The following OPHN1 variants were observed in gnomAD, a reference collection of about 807,000 sequenced individuals.
The protein encoded by OPHN1 is oligophrenin 1.
In OPHN1, 11 loss-of-function variants were observed where a neutral mutation model predicts 60.7. That is an observed-to-expected ratio of 0.18 (90% confidence interval 0.11 to 0.30). The LOEUF is 0.30. Among genes scored for constraint, OPHN1 ranks in the 10% least tolerant of loss-of-function variants. OPHN1 has a pLI of 1.00. For missense variants in OPHN1, 449 were observed against 611.0 expected, an observed-to-expected ratio of 0.73 and a Z score of 2.80; for synonymous variants, 226 against 222.6, an observed-to-expected ratio of 1.02 and a Z score of -0.14.
At chrX:68,186,692 A>G (rs2077464072) in intron 15 of OPHN1, among the ~76,000 whole-genome samples, 1 of 111,639 alleles carries the variant, frequency 9.0e-6, no homozygotes, top group Non-Finnish European at 1.9e-5. Context: ...TTTATTTGTC[A>G]CAGCTCTAGA....
chrX:68,237,902 G>GTGT (rs1466864332), intron 5 of OPHN1, among the ~76,000 whole-genome samples: 3 of 112,032 alleles, frequency 2.7e-5, no homozygotes, highest in Non-Finnish European at 5.6e-5. Context: ...TTGAATCAAA[G>GTGT]TGAAGAACGT....
intron 6 of OPHN1, among the ~76,000 whole-genome samples, chrX:68,228,998 A>T (rs780043417): frequency 9.0e-6 from 1 of 111,308 alleles, no homozygotes; most frequent in Non-Finnish European, 1.9e-5. Flanking sequence ...GACATGATTG[A>T]ATATTTAGAA....
chrX:68,360,326 C>T (rs886453129), intron 2 of OPHN1, among the ~76,000 whole-genome samples: 10 of 110,062 alleles, frequency 9.1e-5, no homozygotes, highest in Middle Eastern at 4.6e-3. Context: ...TACAGTGACG[C>T]GGCACCAAAC....
intron 2 of OPHN1, chrX:68,361,241 G>T (rs759048097): frequency 9.0e-6 from 1 of 110,993 alleles, no homozygotes; most frequent in Non-Finnish European, 1.9e-5. Flanking sequence ...CAGCATTTTG[G>T]GAGGCCAAGG....
chrX:68,091,245 TC>T (rs1328274361), intron 19 of OPHN1, among the ~76,000 whole-genome samples: 1 of 111,506 alleles, frequency 9.0e-6, no homozygotes, highest in Non-Finnish European at 1.9e-5. Context: ...AAATACGCTG[TC>T]CCACACTGAT....
At chrX:68,318,340 A>G (rs1318758339) in intron 2 of OPHN1, among the ~76,000 whole-genome samples, 1 of 112,063 alleles carries the variant, frequency 8.9e-6, no homozygotes, top group Non-Finnish European at 1.9e-5. Flanking sequence ...ATTCTCCCCA[A>G]ATTGATATAC....
At chrX:68,241,890 C>T (rs2077782525) in intron 5 of OPHN1, among the ~76,000 whole-genome samples, 1 of 110,794 alleles carries the variant, frequency 9.0e-6, no homozygotes, top group African/African-American at 3.3e-5. Flanking sequence ...CATTGCACTC[C>T]AGTCTGGGCA....
chrX:68,382,176 C>T (rs1010688949), intron 2 of OPHN1, among the ~76,000 whole-genome samples: 2 of 109,815 alleles, frequency 1.8e-5, no homozygotes, highest in Admixed American at 9.9e-5. Context: ...GGTGAAACTC[C>T]GTCTCTACTA....
intron 2 of OPHN1, among the ~76,000 whole-genome samples, chrX:68,380,934 C>T (rs1347167021): frequency 9.0e-6 from 1 of 111,522 alleles, no homozygotes; most frequent in Middle Eastern, 4.2e-3. Context: ...GGAAACAAAG[C>T]TTAGAGAAGT....
intron 9 of OPHN1, 82 bp from the exon 10 acceptor site, chrX:68,206,755 C>T: frequency 1.3e-6 from 1 of 748,922 alleles, no homozygotes; most frequent in Admixed American, 2.2e-5. Context: ...AAGCTATTTA[C>T]ACATTGCTCT....
intron 15 of OPHN1, 139 bp downstream of exon 15, chrX:68,192,780 T>G: frequency 1.9e-6 from 1 of 519,793 alleles, no homozygotes. Flanking sequence ...GGTGGGCAAG[T>G]ATGTGTATGT....
intron 2 of OPHN1, among the ~76,000 whole-genome samples, chrX:68,402,227 A>G (rs2078718135): frequency 2.7e-5 from 3 of 109,161 alleles, no homozygotes; most frequent in South Asian, 8.2e-4. Context: ...AGACTTAGGC[A>G]TTTATTGGAT....
At chrX:68,239,102 G>A (rs1339764199) in intron 5 of OPHN1, among the ~76,000 whole-genome samples, 1 of 111,046 alleles carries the variant, frequency 9.0e-6, no homozygotes, top group East Asian at 2.8e-4. Flanking sequence ...GGAGTGGGAA[G>A]TTGGTTTTCC....
At chrX:68,353,010 G>A (rs1198075973) in intron 2 of OPHN1, among the ~76,000 whole-genome samples, 2 of 108,796 alleles carry the variant, frequency 1.8e-5, no homozygotes, top group Non-Finnish European at 1.9e-5. Context: ...AAATTAGCCA[G>A]GCGTGGTGGC....
rs1032607753 is a variant in OPHN1 at position 68,156,733 on chromosome X, G to A, written c.1276+36186C>T. Among the ~76,000 whole-genome samples, 6 of 111,426 alleles carry A rather than the reference G, an allele frequency of 5.4e-5. No individual in the cohort carries two copies. The Admixed American group carries it at 5.8e-4, about 11-fold the overall frequency. On this transcript the variant is annotated intron_variant, in intron 15 of 24. Coordinates refer to ENST00000355520, the MANE Select transcript of OPHN1 (RefSeq NM_002547.3). ...CATCAGTACTTCATGCCATTTTATT[G>A]CAAAAACAATATGACTTGAAAAAAT...
intron 2 of OPHN1, among the ~76,000 whole-genome samples, chrX:68,327,292 T>C (rs754471746): frequency 4.2e-4 from 3 of 7,186 alleles, no homozygotes; most frequent in Admixed American, 1.5e-3. Context: ...CAGCGGCTCA[T>C]TGGGGATGGG....
At chrX:68,197,772 C>T (rs1242378359) in intron 11 of OPHN1, among the ~76,000 whole-genome samples, 1 of 111,375 alleles carries the variant, frequency 9.0e-6, no homozygotes, top group Non-Finnish European at 1.9e-5. Context: ...AGGGAGGAGG[C>T]GTTTTGGCTA....
chrX:68,279,432 C>T (rs1470709810), intron 4 of OPHN1, among the ~76,000 whole-genome samples: 3 of 109,392 alleles, frequency 2.7e-5, no homozygotes, highest in Admixed American at 2.0e-4. Context: ...CTTTTGAGAA[C>T]ATCACAGGGA....
chrX:68,132,987 C>T (rs1362850072), intron 15 of OPHN1: 7 of 465,155 alleles, frequency 1.5e-5, no homozygotes, highest in African/African-American at 9.5e-5. Context: ...CTCAGGCCCC[C>T]GGACGCCAAG....
Sources: allele counts gnomAD v4.1 joint callset (sites outside exome capture counted in the v4.1 genomes callset), GRCh38; gene constraint gnomAD v4.1.1; transcripts MANE v1.5; gene names NCBI Gene and HGNC (gene_info 2026-07-23, HGNC 2026-07-21).